Variants in BAZ2B observed in about 807,000 individuals in gnomAD.
BAZ2B encodes bromodomain adjacent to zinc finger domain 2B, also known as bromodomain adjacent to zinc finger domain protein 2B.
BAZ2B carries 91 observed loss-of-function variants against 246.0 expected under a neutral mutation model. The ratio of observed to expected loss-of-function variants is 0.37; its 90% CI spans 0.31 to 0.44. The LOEUF is 0.44. Ranked by LOEUF, BAZ2B falls within the 20% of genes least tolerant of loss-of-function variation. The probability of loss-of-function intolerance (pLI) is 1.00; values close to 1 mark genes in which losing one functional copy is unlikely to be tolerated. For missense variants in BAZ2B, 2,332 were observed against 2,533.7 expected, an observed-to-expected ratio of 0.92 and a Z score of 1.71; for synonymous variants, 855 against 860.0, an observed-to-expected ratio of 0.99 and a Z score of 0.10.
At chr2:159,692,334 T>G in the BAZ2B span, among the ~76,000 whole-genome samples, 2,005 of 152,056 alleles carry the variant, frequency 0.013, 45 homozygotes, top group African/African-American at 0.045. Context: ...TTTTTTGTAT[T>G]TTTAGTAGAG....
At chr2:159,672,879 C>G in the BAZ2B span, among the ~76,000 whole-genome samples, 1 of 151,968 alleles carries the variant, frequency 6.6e-6, no homozygotes, top group African/African-American at 2.4e-5. Context: ...GACCTAAGTT[C>G]TAAATGTAAA....
the BAZ2B span, among the ~76,000 whole-genome samples, chr2:159,701,811 C>T: frequency 6.6e-6 from 1 of 151,648 alleles, no homozygotes; most frequent in Non-Finnish European, 1.5e-5. Context: ...TCACTGCAAC[C>T]TCCACCTCCC....
intron 2 of BAZ2B, among the ~76,000 whole-genome samples, chr2:159,534,671 A>C (rs150213630): frequency 0.017 from 2,496 of 150,116 alleles, 73 homozygotes; most frequent in African/African-American, 0.058. Context: ...CTCTGTCGCC[A>C]GGCTGGAGGG....
the BAZ2B span, among the ~76,000 whole-genome samples, chr2:159,687,378 A>G: frequency 6.6e-6 from 1 of 152,186 alleles, no homozygotes; most frequent in African/African-American, 2.4e-5. Flanking sequence ...CCAACATTCA[A>G]TCCTTTCCCC....
chr2:159,681,054 G>A, the BAZ2B span, among the ~76,000 whole-genome samples: 1 of 152,028 alleles, frequency 6.6e-6, no homozygotes, highest in African/African-American at 2.4e-5. Flanking sequence ...AGGAGAAAGC[G>A]GGGGGAAAAA....
At chr2:159,317,289 G>A (rs572290958), downstream of BAZ2B, among the ~76,000 whole-genome samples, 23 of 152,322 alleles carry the variant, frequency 1.5e-4, no homozygotes, top group Non-Finnish European at 2.6e-4. Context: ...AAAAGAGAAG[G>A]AGCATGGAGG....
intron 36 of BAZ2B, among the ~76,000 whole-genome samples, chr2:159,321,377 C>T (rs2062696345): frequency 6.6e-6 from 1 of 152,020 alleles, no homozygotes. Context: ...ACAGAGCTAC[C>T]ATGTGATCCA....
chr2:159,374,514 G>A (rs1048934474), intron 26 of BAZ2B, among the ~76,000 whole-genome samples, 177 bp downstream of exon 26: 4 of 152,046 alleles, frequency 2.6e-5, no homozygotes, highest in Admixed American at 6.5e-5. Flanking sequence ...TTGTAAGAAT[G>A]TTTCTAGTGT....
At chr2:159,657,729 G>C in the BAZ2B span, among the ~76,000 whole-genome samples, 1 of 152,168 alleles carries the variant, frequency 6.6e-6, no homozygotes, top group Non-Finnish European at 1.5e-5. Context: ...AATGTAAAAG[G>C]TATTGTTTCT....
chr2:159,643,124 C>T, the BAZ2B span, among the ~76,000 whole-genome samples: 1 of 152,198 alleles, frequency 6.6e-6, no homozygotes, highest in African/African-American at 2.4e-5. Context: ...GGCATTATCA[C>T]ATTTTACTTG....
intron 2 of BAZ2B, among the ~76,000 whole-genome samples, chr2:159,535,115 T>C (rs2085809434): frequency 1.3e-5 from 2 of 152,150 alleles, no homozygotes; most frequent in South Asian, 2.1e-4. Flanking sequence ...ACTAAAGATA[T>C]AATTAAATTG....
intron 3 of BAZ2B, among the ~76,000 whole-genome samples, chr2:159,470,961 A>G (rs993125317): frequency 3.3e-5 from 5 of 152,126 alleles, no homozygotes; most frequent in Non-Finnish European, 7.3e-5. Context: ...GACAAGAAAT[A>G]ACAGGCCTCA....
At chr2:159,468,829 G>A (rs1559529770) in intron 3 of BAZ2B, among the ~76,000 whole-genome samples, 1 of 152,270 alleles carries the variant, frequency 6.6e-6, no homozygotes, top group East Asian at 1.9e-4. Context: ...TGGTTCACAA[G>A]TTCAGGAGTT....
intron 2 of BAZ2B, among the ~76,000 whole-genome samples, chr2:159,483,373 A>AT (rs939707914): frequency 3.9e-5 from 6 of 151,990 alleles, no homozygotes; most frequent in Admixed American, 1.3e-4. Context: ...AAGTTTTTCT[A>AT]TTTTTTGTTA....
At chr2:159,508,846 A>G (rs1439849892) in intron 2 of BAZ2B, among the ~76,000 whole-genome samples, 1 of 152,186 alleles carries the variant, frequency 6.6e-6, no homozygotes, top group Non-Finnish European at 1.5e-5. Flanking sequence ...TGAATCCACA[A>G]GTGGTAATTC....
At chr2:159,604,853 G>C (rs1693028781) in intron 1 of BAZ2B, among the ~76,000 whole-genome samples, 1 of 152,214 alleles carries the variant, frequency 6.6e-6, no homozygotes, top group Non-Finnish European at 1.5e-5. Flanking sequence ...ACTATAAAAA[G>C]TTTGGTGAGG....
At chr2:159,596,940 G>A (rs1559867534) in intron 1 of BAZ2B, among the ~76,000 whole-genome samples, 1 of 152,164 alleles carries the variant, frequency 6.6e-6, no homozygotes, top group Non-Finnish European at 1.5e-5. Context: ...TCAAATGGTT[G>A]TTCTACTTTT....
the BAZ2B span, among the ~76,000 whole-genome samples, chr2:159,647,693 G>C: frequency 6.6e-6 from 1 of 152,088 alleles, no homozygotes; most frequent in Non-Finnish European, 1.5e-5. Context: ...TACATGCTTT[G>C]CTGTCTGTGC....
intron 2 of BAZ2B, among the ~76,000 whole-genome samples, chr2:159,481,829 A>G (rs1184027979): frequency 6.6e-6 from 1 of 151,986 alleles, no homozygotes; most frequent in African/African-American, 2.4e-5. Context: ...GTTGGAGACT[A>G]AGGAGACTAG....
Sources: gnomAD v4.1 joint callset for allele counts (sites outside exome capture counted in the v4.1 genomes callset) on GRCh38, gnomAD v4.1.1 for gene constraint, MANE v1.5 for transcripts, NCBI Gene and HGNC (gene_info 2026-07-23, HGNC 2026-07-21) for gene names.